PCBP3: variants seen among roughly 807,000 people sequenced by gnomAD.
PCBP3 encodes the protein poly(rC)-binding protein 3.
A neutral mutation model predicts 52.7 loss-of-function variants in PCBP3; 25 were observed. The observed-to-expected ratio is 0.47, with a 90% CI of 0.35 to 0.66. The LOEUF (loss-of-function observed/expected upper bound fraction) is 0.66. PCBP3 is among the 30% of genes least tolerant of loss of function. PCBP3 has a pLI of 0.01. For missense variants in PCBP3, 391 were observed against 490.3 expected (o/e 0.80, Z 1.91); for synonymous variants, 162 against 183.0 (o/e 0.89, Z 0.93).
intron 5 of PCBP3, among the ~76,000 whole-genome samples, chr21:45,874,036 C>T (rs944781162): frequency 1.6e-4 from 25 of 152,190 alleles, no homozygotes; most frequent in African/African-American, 5.6e-4. Context: ...AGGCGTGAGC[C>T]ACCACGCCCG....
intron 4 of PCBP3, among the ~76,000 whole-genome samples, chr21:45,839,586 C>T (rs1227400413): frequency 6.6e-6 from 1 of 152,176 alleles, no homozygotes; most frequent in Non-Finnish European, 1.5e-5. Context: ...ATCCTTGGTT[C>T]ACATTTTTCT....
chr21:45,762,799 TAA>T (rs1299046110), intron 4 of PCBP3: 1 of 152,166 alleles, frequency 6.6e-6, no homozygotes, highest in Non-Finnish European at 1.5e-5. Flanking sequence ...TCTGCCTTTT[TAA>T]GAGAGATGTA....
At chr21:45,706,379 T>G (rs1211072676) in intron 2 of PCBP3, among the ~76,000 whole-genome samples, 1 of 151,938 alleles carries the variant, frequency 6.6e-6, no homozygotes, top group Non-Finnish European at 1.5e-5. Context: ...GTATGCAGAG[T>G]CTCTTACACA....
At chr21:45,873,923 C>T (rs2095141186) in intron 5 of PCBP3, among the ~76,000 whole-genome samples, 1 of 152,364 alleles carries the variant, frequency 6.6e-6, no homozygotes, top group Non-Finnish European at 1.5e-5. Context: ...GCCATCGTGC[C>T]TGGCTAATCT....
intron 13 of PCBP3, among the ~76,000 whole-genome samples, chr21:45,922,924 A>T (rs898689224): frequency 1.3e-5 from 2 of 152,228 alleles, no homozygotes; most frequent in African/African-American, 4.8e-5. Flanking sequence ...ACCAGTGTCT[A>T]CTAAGAAGCT....
rs558245775 is a variant in PCBP3 at position 45,817,022 on chromosome 21, G to A, written c.-125-32939G>A. On this transcript the variant is annotated intron_variant, in intron 4 of 17. Coordinates refer to ENST00000681687, the MANE Select transcript of PCBP3 (RefSeq NM_001384156.1). This position sits in a 1 kb window ranked among gnomAD's most constrained non-coding sequence, Gnocchi z 4.3. ...CAGCTCCATTCTAATTTTAAGGGAC[G>A]GCTGTGGTATATGGCACGTCTGTTG... Among the ~76,000 whole-genome samples the A allele has an allele frequency of 1.0e-3, 152 of 152,210 alleles. 1 individual carries two copies. Among genetic ancestry groups the A allele is most frequent in the Admixed American group, 8.3e-3 (127 of 15,294 alleles).
intron 5 of PCBP3, among the ~76,000 whole-genome samples, chr21:45,867,108 C>T (rs143786999): frequency 1.3e-4 from 20 of 152,350 alleles, no homozygotes; most frequent in Admixed American, 2.0e-4. Context: ...CCGAACGCAA[C>T]GCCACAGCAG....
At chr21:45,804,018 T>G (rs2092404496) in intron 4 of PCBP3, among the ~76,000 whole-genome samples, 1 of 152,212 alleles carries the variant, frequency 6.6e-6, no homozygotes, top group Admixed American at 6.5e-5. Context: ...ACATCTGTGG[T>G]GCTTCTCTTC....
At chr21:45,893,879 C>T in intron 5 of PCBP3, 2 of 985,350 alleles carry the variant, frequency 2.0e-6, no homozygotes, top group Non-Finnish European at 2.4e-6. Context: ...GCTGCAGGCT[C>T]TACTTCAGCC....
In PCBP3 at chr21:45,728,615, T is replaced by G. The variant is rs1603340304; in HGVS notation, c.-199-6777T>G. The G allele has an allele frequency of 2.0e-5, 3 of 152,340 alleles. No individual in the cohort carries two copies. In the East Asian group the frequency reaches 5.8e-4, roughly 29 times the overall value. The allele number at this position is 152,340 out of a possible 1,614,324, so 9.4% of individuals were successfully genotyped here. On this transcript the variant is annotated intron_variant, in intron 2 of 17. Transcript: ENST00000681687. Reference sequence around the variant, plus strand: ...TTGGGAAGTATTCTCTCATCTTCAGTTTTCTAGATGAGTTAGTAAGAAATT... The same window carrying G: ...TTGGGAAGTATTCTCTCATCTTCAGGTTTCTAGATGAGTTAGTAAGAAATT...
At chr21:45,814,910 GTGAGTGA>G (rs140500567) in intron 4 of PCBP3, among the ~76,000 whole-genome samples, 67 of 134,222 alleles carry the variant, frequency 5.0e-4, no homozygotes, top group African/African-American at 1.1e-3. Flanking sequence ...TGAGTGAGTG[GTGAGTGA>G]TGAGTGAGTG....
At chr21:45,839,926 A>T (rs1287841331) in intron 4 of PCBP3, among the ~76,000 whole-genome samples, 1 of 152,054 alleles carries the variant, frequency 6.6e-6, no homozygotes, top group African/African-American at 2.4e-5. Flanking sequence ...ACCTCAAGTG[A>T]TCCACCTGCC....
intron 4 of PCBP3, among the ~76,000 whole-genome samples, chr21:45,790,056 C>T (rs1393307129): frequency 6.6e-6 from 1 of 152,130 alleles, no homozygotes; most frequent in Non-Finnish European, 1.5e-5. Flanking sequence ...AGGAGAATGG[C>T]GTGAACCCGG....
intron 1 of PCBP3, among the ~76,000 whole-genome samples, chr21:45,654,576 T>C (rs1011621940): frequency 2.6e-5 from 4 of 152,310 alleles, no homozygotes; most frequent in Non-Finnish European, 5.9e-5. Flanking sequence ...CTTGACCTCG[T>C]GATCTGCCCA....
chr21:45,792,012 G>A (rs1474697397), intron 4 of PCBP3, among the ~76,000 whole-genome samples: 3 of 152,252 alleles, frequency 2.0e-5, no homozygotes, highest in African/African-American at 7.2e-5. Context: ...TGTGAGTCCT[G>A]CTTCTCCCAT....
At chr21:45,787,836 A>G (rs562259942) in intron 4 of PCBP3, among the ~76,000 whole-genome samples, 87 of 152,354 alleles carry the variant, frequency 5.7e-4, no homozygotes, top group Non-Finnish European at 1.1e-3. Context: ...TTAAAAAGGT[A>G]TTTCTGCTAT....
chr21:45,663,874 A>G (rs948875944), intron 1 of PCBP3, among the ~76,000 whole-genome samples: 1 of 151,954 alleles, frequency 6.6e-6, no homozygotes, highest in African/African-American at 2.4e-5. Context: ...TATGAATTGT[A>G]TGATTGTTTT....
At chr21:45,740,684 C>T (rs527953947) in intron 3 of PCBP3, among the ~76,000 whole-genome samples, 1 of 150,898 alleles carries the variant, frequency 6.6e-6, no homozygotes, top group African/African-American at 2.4e-5. Context: ...TGTGTGTACA[C>T]ATGCGTGTGT....
In PCBP3 at chr21:45,891,263, G is replaced by A. The variant is rs553331410; in HGVS notation, c.11-4945G>A. Among the ~76,000 whole-genome samples, 551 of 152,362 alleles carry A rather than the reference G, an allele frequency of 3.6e-3. 4 individuals carry two copies. The highest frequency in any genetic ancestry group is 0.013 in the African/African-American group (535 of 41,574). ...GTTGTGCTCCTAGGTGGTACCTGCA[G>A]GAAATGGAAGTGCTTCCATGAGAAG... On this transcript the variant is annotated intron_variant, in intron 5 of 17. Transcript: ENST00000681687.
Sources: gnomAD v4.1 joint callset for allele counts (sites outside exome capture counted in the v4.1 genomes callset) on GRCh38, gnomAD v4.1.1 for gene constraint, Gnocchi (gnomAD v3.1) non-coding constraint, MANE v1.5 for transcripts, NCBI Gene and HGNC (gene_info 2026-07-23, HGNC 2026-07-21) for gene names.